Variants in FRMD3 observed in about 807,000 individuals in gnomAD.
The protein encoded by FRMD3 is FERM domain-containing protein 3.
A neutral mutation model predicts 70.2 loss-of-function variants in FRMD3; 33 were observed. The observed-to-expected ratio is 0.47, with a 90% confidence interval of 0.36 to 0.63. FRMD3 has a LOEUF of 0.63. Ranked by LOEUF, FRMD3 falls within the 20% of genes least tolerant of loss-of-function variation. The pLI, the probability that FRMD3 is intolerant of heterozygous loss-of-function variation, is 0.00. For missense variants in FRMD3, 632 were observed against 711.4 expected (o/e 0.89, Z 1.27); for synonymous variants, 279 against 255.9 (o/e 1.09, Z -0.86).
intron 6 of FRMD3, among the ~76,000 whole-genome samples, chr9:83,330,330 A>AC (rs1836209753): frequency 7.4e-6 from 1 of 135,954 alleles, no homozygotes; most frequent in Non-Finnish European, 1.6e-5. Flanking sequence ...ATCTCAAAAA[A>AC]AAAAAAACAA....
chr9:83,563,125 TAG>T, the FRMD3 span, among the ~76,000 whole-genome samples: 3 of 152,140 alleles, frequency 2.0e-5, no homozygotes, highest in African/African-American at 7.2e-5. Context: ...GCATCTAGGA[TAG>T]AGTCTTTTAT....
At chr9:83,278,587 G>A (rs1563990414) in intron 13 of FRMD3, among the ~76,000 whole-genome samples, 2 of 152,168 alleles carry the variant, frequency 1.3e-5, no homozygotes, top group African/African-American at 2.4e-5. Flanking sequence ...GGAAAGGCAA[G>A]CATTTACAAG....
the FRMD3 span, among the ~76,000 whole-genome samples, chr9:83,566,180 C>T: frequency 5.9e-5 from 9 of 152,188 alleles, no homozygotes; most frequent in Non-Finnish European, 1.3e-4. Context: ...AGGTGAAAGG[C>T]CCTTCTTACA....
the FRMD3 span, among the ~76,000 whole-genome samples, chr9:83,544,778 C>T: frequency 1.3e-5 from 2 of 152,080 alleles, 1 homozygote; most frequent in African/African-American, 4.8e-5. Context: ...TATCTATAAC[C>T]AAGGAATTCA....
At chr9:83,317,291 A>G (rs1835623741) in intron 6 of FRMD3, among the ~76,000 whole-genome samples, 1 of 151,936 alleles carries the variant, frequency 6.6e-6, no homozygotes, top group Non-Finnish European at 1.5e-5. Flanking sequence ...CCAGCATGTC[A>G]CTAAGCAGCA....
At chr9:83,525,206 A>C (rs889832773) in intron 1 of FRMD3, among the ~76,000 whole-genome samples, 2 of 152,180 alleles carry the variant, frequency 1.3e-5, no homozygotes. Context: ...TATACTTCTG[A>C]GGTGAGAGAT....
At chr9:83,363,318 T>C (rs1824670966) in intron 3 of FRMD3, among the ~76,000 whole-genome samples, 1 of 152,202 alleles carries the variant, frequency 6.6e-6, no homozygotes, top group African/African-American at 2.4e-5. Flanking sequence ...ATTTTTAAAC[T>C]CAACAATATG....
chr9:83,585,565 T>G, the FRMD3 span, among the ~76,000 whole-genome samples: 2 of 152,138 alleles, frequency 1.3e-5, no homozygotes, highest in Non-Finnish European at 2.9e-5. Flanking sequence ...CTCTTCTTCC[T>G]TCCTGCTGCC....
chr9:83,550,711 T>TGC, the FRMD3 span, among the ~76,000 whole-genome samples: 7 of 151,570 alleles, frequency 4.6e-5, no homozygotes, highest in Non-Finnish European at 1.0e-4. Flanking sequence ...TGTGTGTGTG[T>TGC]GTGTGTGTGT....
rs569542457 is a variant in FRMD3 at position 83,275,461 on chromosome 9, A to G, written c.1195+15142T>C. Among the ~76,000 whole-genome samples, 323 of 152,334 alleles carry G rather than the reference A, an allele frequency of 2.1e-3. 2 individuals are homozygous for G. The highest frequency in any genetic ancestry group is 7.5e-3 in the African/African-American group (310 of 41,578). On this transcript the variant is annotated intron_variant, in intron 13 of 13. Coordinates refer to ENST00000304195, the MANE Select transcript of FRMD3 (RefSeq NM_174938.6). ...AATGACCATGAATAGCTGATCACTA[A>G]TTTCACAAGTCATTGCTCCAAGGCA...
Position 83,309,465 on chromosome 9 carries a change from C to A in FRMD3, c.926+71G>T. 5.9e-6 allele frequency: 5 copies of A among 850,502 alleles called. No individual in the cohort carries two copies. In the South Asian group the frequency reaches 8.7e-5, roughly 15 times the overall value. 52.7% of individuals were successfully genotyped at this position (850,502 alleles called of 1,614,324 possible). ...TGTATTAAAAGAAATAAATATGCAG[C>A]CATTTGCAAAACATAAAGAATTCCA... is the stretch of plus-strand genomic sequence containing the variant. On this transcript the variant is annotated intron_variant, in intron 10 of 13. Coordinates refer to ENST00000304195, the MANE Select transcript of FRMD3 (RefSeq NM_174938.6).
chr9:83,556,468 TTTG>T, the FRMD3 span, among the ~76,000 whole-genome samples: 1 of 152,352 alleles, frequency 6.6e-6, no homozygotes, highest in South Asian at 2.1e-4. Context: ...AGAAATTATA[TTTG>T]TCTTTCAGAT....
At chr9:83,451,536 A>G (rs1827657615) in intron 1 of FRMD3, among the ~76,000 whole-genome samples, 1 of 152,224 alleles carries the variant, frequency 6.6e-6, no homozygotes, top group African/African-American at 2.4e-5. Context: ...ACTGCAGTTT[A>G]GCCTGGGGCC....
chr9:83,485,834 T>C (rs944791660), intron 1 of FRMD3, among the ~76,000 whole-genome samples: 8 of 152,154 alleles, frequency 5.3e-5, no homozygotes, highest in Admixed American at 2.0e-4. Flanking sequence ...AGATTGCTTA[T>C]CTGTAAAAAT....
intron 1 of FRMD3, among the ~76,000 whole-genome samples, chr9:83,419,998 G>T (rs986106191): frequency 6.6e-6 from 1 of 152,182 alleles, no homozygotes. Flanking sequence ...TTGCCTGGAA[G>T]TAAAGATTCC....
chr9:83,468,215 G>A (rs1828180953), intron 1 of FRMD3, among the ~76,000 whole-genome samples: 1 of 152,200 alleles, frequency 6.6e-6, no homozygotes, highest in South Asian at 2.1e-4. Flanking sequence ...GAAATTGAAA[G>A]ATAGATTCAA....
At chr9:83,546,838 G>A in the FRMD3 span, among the ~76,000 whole-genome samples, 1 of 138,046 alleles carries the variant, frequency 7.2e-6, no homozygotes, top group Admixed American at 8.3e-5. Context: ...GTTGCACTGA[G>A]CCAAGATTGT....
chr9:83,267,897 T>C (rs1833349237), intron 13 of FRMD3, among the ~76,000 whole-genome samples: 1 of 152,208 alleles, frequency 6.6e-6, no homozygotes, highest in Non-Finnish European at 1.5e-5. Flanking sequence ...ATCTCAGCTC[T>C]TTTCAAAGTG....
At chr9:83,284,071 T>G (rs143269952) in intron 13 of FRMD3, among the ~76,000 whole-genome samples, 20 of 149,536 alleles carry the variant, frequency 1.3e-4, no homozygotes, top group African/African-American at 4.9e-4. Context: ...ATTTTTTTTT[T>G]TTTTTTTTTT....
Sources: allele counts gnomAD v4.1 joint callset (sites outside exome capture counted in the v4.1 genomes callset), GRCh38; gene constraint gnomAD v4.1.1; transcripts MANE v1.5; gene names NCBI Gene and HGNC (gene_info 2026-07-23, HGNC 2026-07-21).